The following PJA2 variants were observed in gnomAD, a reference collection of about 807,000 sequenced individuals.
PJA2 encodes praja ring finger ubiquitin ligase 2.
A neutral mutation model predicts 69.3 loss-of-function variants in PJA2; 25 were observed. The ratio of observed to expected loss-of-function variants is 0.36; its 90% CI spans 0.26 to 0.50. The LOEUF (loss-of-function observed/expected upper bound fraction) is 0.50, where lower values mean the gene tolerates loss of function less well. Ranked by LOEUF, PJA2 falls within the 20% of genes least tolerant of loss-of-function variation. PJA2 has a pLI of 0.96. For synonymous variants in PJA2, 308 were observed against 277.8 expected (o/e 1.11, Z -1.08); for missense variants, 809 against 830.2 (o/e 0.97, Z 0.31).
chr5:109,385,901 A>G (rs1747145520), intron 1 of PJA2, among the ~76,000 whole-genome samples: 1 of 152,208 alleles, frequency 6.6e-6, no homozygotes, highest in South Asian at 2.1e-4. Flanking sequence ...CATCTTACAC[A>G]CACAGTCTGA....
intron 5 of PJA2, among the ~76,000 whole-genome samples, chr5:109,365,421 A>G (rs1762569299): frequency 1.3e-5 from 2 of 152,236 alleles, no homozygotes; most frequent in Non-Finnish European, 2.9e-5. Context: ...ATGTCTACAC[A>G]ATGTGCTACC....
intron 6 of PJA2, among the ~76,000 whole-genome samples, chr5:109,357,166 G>A (rs1762426671): frequency 6.6e-6 from 1 of 152,134 alleles, no homozygotes; most frequent in Non-Finnish European, 1.5e-5. Flanking sequence ...GGGGCACCCT[G>A]AGTAGATGTA....
In PJA2 at chr5:109,349,167, T is replaced by C. The variant is rs572433915; in HGVS notation, c.1765-4348A>G. ...TGATGGATGGAAATTTAAATGTGCA[T>C]TGAAAGGTATATATGGAAGCCAAGT... On this transcript the variant is annotated intron_variant, in intron 7 of 9. Transcript: ENST00000361189. 5.9e-5 allele frequency among the ~76,000 whole-genome samples: 9 copies of C among 152,326 alleles called. No individual in the cohort carries two copies. In the South Asian group the frequency reaches 6.2e-4, roughly 11 times the overall value.
chr5:109,356,506 G>A (rs547413433), intron 6 of PJA2, among the ~76,000 whole-genome samples: 46 of 152,162 alleles, frequency 3.0e-4, no homozygotes, highest in African/African-American at 9.4e-4. Flanking sequence ...CAAAATCTAG[G>A]AAAAGAATCC....
chr5:109,346,963 T>C lies in PJA2; in HGVS notation c.1765-2144A>G, dbSNP rs1042481150. Among the ~76,000 whole-genome samples, 3 of 152,212 alleles carry C rather than the reference T, an allele frequency of 2.0e-5. No individual in the cohort carries two copies. The East Asian group carries it at 5.8e-4, about 29-fold the overall frequency. On this transcript the variant is annotated intron_variant, in intron 7 of 9. Coordinates refer to ENST00000361189, the MANE Select transcript of PJA2 (RefSeq NM_014819.5). ...ACTCTATTCTTCTGGATGGCAAACATAATATTTATACATGCCTAAGGTCCT... is the reference window on the plus strand; with the variant it reads ...ACTCTATTCTTCTGGATGGCAAACACAATATTTATACATGCCTAAGGTCCT...
chr5:109,392,218 G>C (rs572832662), intron 1 of PJA2, among the ~76,000 whole-genome samples: 3 of 152,134 alleles, frequency 2.0e-5, no homozygotes, highest in Non-Finnish European at 4.4e-5. Context: ...ATAATAAGAG[G>C]CTTGTTAGGG....
At chr5:109,390,016 A>AT in intron 1 of PJA2, among the ~76,000 whole-genome samples, 1 of 151,994 alleles carries the variant, frequency 6.6e-6, no homozygotes, top group African/African-American at 2.4e-5. Flanking sequence ...GACCCAGAAT[A>AT]TTTTTGCACA....
At chr5:109,358,259 A>G (rs1420904655) in intron 6 of PJA2, among the ~76,000 whole-genome samples, 1 of 152,250 alleles carries the variant, frequency 6.6e-6, no homozygotes, top group Admixed American at 6.5e-5. Context: ...AACCACAAAC[A>G]ATAGCACGTG....
Position 109,400,488 on chromosome 5 carries a change from G to A in PJA2, c.-88+9354C>T, listed in dbSNP as rs556044882. On this transcript the variant is annotated intron_variant, in intron 1 of 9. Coordinates refer to ENST00000361189, the MANE Select transcript of PJA2 (RefSeq NM_014819.5). ...AAAGAGAGCAAACCAGCAGGGGGAG[G>A]GGGGGGAAGGGCGGGGGGGTGTCGC... Among the ~76,000 whole-genome samples the A allele has an allele frequency of 3.4e-5, 5 of 148,746 alleles. No individual in the cohort carries two copies. In the South Asian group the frequency reaches 8.6e-4, roughly 26 times the overall value.
At chr5:109,360,611 A>G (rs1395898794) in intron 6 of PJA2, among the ~76,000 whole-genome samples, 1 of 152,230 alleles carries the variant, frequency 6.6e-6, no homozygotes, top group Non-Finnish European at 1.5e-5. Flanking sequence ...TTAATATAGT[A>G]CCACATAAGC....
At chr5:109,391,496 T>C (rs114523274) in intron 1 of PJA2, among the ~76,000 whole-genome samples, 5,888 of 152,050 alleles carry the variant, frequency 0.039, 162 homozygotes, top group Non-Finnish European at 0.059. Context: ...CTTTTTTTTT[T>C]CTTTTTTGGA....
At chr5:109,353,990 G>T (rs1353123421) in intron 7 of PJA2, among the ~76,000 whole-genome samples, 309 of 106,348 alleles carry the variant, frequency 2.9e-3, no homozygotes, top group Admixed American at 5.2e-3. Flanking sequence ...AGATTAGATA[G>T]ATATCTAGAG....
rs959445109 is a variant in PJA2 at position 109,405,664 on chromosome 5, G to C, written c.-88+4178C>G. Among the ~76,000 whole-genome samples, 4 of 152,184 alleles carry C rather than the reference G, an allele frequency of 2.6e-5. No homozygotes were observed. The East Asian group carries it at 7.7e-4, about 29-fold the overall frequency. On this transcript the variant is annotated intron_variant, in intron 1 of 9. Coordinates refer to ENST00000361189, the MANE Select transcript of PJA2 (RefSeq NM_014819.5). ...AAGGAAAGTAGTCCCAACAAATGGTGCTAGAACTACATATACATTTGAAAA... is the reference window on the plus strand; with the variant it reads ...AAGGAAAGTAGTCCCAACAAATGGTCCTAGAACTACATATACATTTGAAAA...
At chr5:109,357,200 G>C (rs965255397) in intron 6 of PJA2, among the ~76,000 whole-genome samples, 1 of 152,094 alleles carries the variant, frequency 6.6e-6, no homozygotes, top group Non-Finnish European at 1.5e-5. Flanking sequence ...TTAAGTCCAA[G>C]AGATCCAAAA....
In PJA2 at chr5:109,335,205, T is replaced by A. The variant is rs992283060; in HGVS notation, c.*2026A>T. 1.3e-5 allele frequency: 2 copies of A among 152,674 alleles called. No individual in the cohort carries two copies. Among genetic ancestry groups the A allele is most frequent in the East Asian group, 1.9e-4 (1 of 5,196 alleles). 9.5% of individuals were successfully genotyped at this position (152,674 alleles called of 1,614,324 possible). On this transcript the variant is annotated 3_prime_UTR_variant, in exon 10 of 10. Coordinates refer to ENST00000361189, the MANE Select transcript of PJA2 (RefSeq NM_014819.5). ...AATCCTAAAACCTCAATTTTCTTTT[T>A]CTTTTTTAAAATTTAAGCCAACTCT...
intron 6 of PJA2, among the ~76,000 whole-genome samples, chr5:109,361,414 T>TA (rs1162526508): frequency 6.6e-6 from 1 of 152,190 alleles, no homozygotes; most frequent in Non-Finnish European, 1.5e-5. Flanking sequence ...AATGGAGCTG[T>TA]AAAAAATTAT....
intron 9 of PJA2, 85 bp from the exon 10 acceptor site, chr5:109,337,441 A>C: frequency 7.0e-7 from 1 of 1,422,408 alleles, no homozygotes; most frequent in Non-Finnish European, 9.3e-7. Context: ...CAGTGTCATT[A>C]TCCTAATAAT....
intron 1 of PJA2, among the ~76,000 whole-genome samples, chr5:109,407,382 C>T (rs1348983144): frequency 6.6e-6 from 1 of 152,046 alleles, no homozygotes; most frequent in African/African-American, 2.4e-5. Flanking sequence ...TCTTGGAAAG[C>T]CAAGACTAGA....
chr5:109,401,040 C>T (rs1747534101), intron 1 of PJA2, among the ~76,000 whole-genome samples: 1 of 151,898 alleles, frequency 6.6e-6, no homozygotes, highest in South Asian at 2.1e-4. Flanking sequence ...GCCTGTAATC[C>T]CAGCACTTTG....
Sources: gnomAD v4.1 joint callset for allele counts (sites outside exome capture counted in the v4.1 genomes callset) on GRCh38, gnomAD v4.1.1 for gene constraint, MANE v1.5 for transcripts, NCBI Gene and HGNC (gene_info 2026-07-23, HGNC 2026-07-21) for gene names.